Variants in DLGAP2 observed in about 807,000 individuals in gnomAD.
DLGAP2 encodes disks large-associated protein 2.
In DLGAP2, 26 loss-of-function variants were observed where a neutral mutation model predicts 100.3. That is an observed-to-expected ratio of 0.26 (90% CI 0.19 to 0.36). The LOEUF is 0.36. Among genes scored for constraint, DLGAP2 ranks in the 10% least tolerant of loss-of-function variants. The probability of loss-of-function intolerance (pLI) is 1.00; values close to 1 mark genes in which losing one functional copy is unlikely to be tolerated. For synonymous variants in DLGAP2, 886 were observed against 630.1 expected (o/e 1.41, Z -6.08); for missense variants, 1,858 against 1,453.2 (o/e 1.28, Z -4.53).
chr8:1,531,500 T>G (rs1338835127), intron 4 of DLGAP2, among the ~76,000 whole-genome samples: 1 of 152,186 alleles, frequency 6.6e-6, no homozygotes, highest in Non-Finnish European at 1.5e-5. Context: ...ATGAAATTAT[T>G]TCATACTGAT....
At chr8:904,821 A>C (rs949104884) in intron 1 of DLGAP2, among the ~76,000 whole-genome samples, 6 of 152,214 alleles carry the variant, frequency 3.9e-5, no homozygotes, top group Non-Finnish European at 7.3e-5. Flanking sequence ...TAGAACAGGC[A>C]GGTTGTGTGG....
intron 12 of DLGAP2, among the ~76,000 whole-genome samples, chr8:1,688,814 G>A (rs956629974): frequency 2.6e-5 from 4 of 152,320 alleles, no homozygotes; most frequent in African/African-American, 4.8e-5. Context: ...GGGAGGCACC[G>A]CACACACTGC....
intron 4 of DLGAP2, among the ~76,000 whole-genome samples, chr8:1,517,107 T>A (rs1800419094): frequency 6.6e-6 from 1 of 151,978 alleles, no homozygotes; most frequent in Non-Finnish European, 1.5e-5. Flanking sequence ...GTCCAAGTCT[T>A]CATTCCCCAG....
At chr8:1,509,127 T>G (rs1002288722) in intron 4 of DLGAP2, among the ~76,000 whole-genome samples, 1 of 151,636 alleles carries the variant, frequency 6.6e-6, no homozygotes, top group East Asian at 1.9e-4. Flanking sequence ...GGTCAGGAGA[T>G]CGAGACCATC....
chr8:1,438,633 G>A (rs1220884476), intron 3 of DLGAP2, among the ~76,000 whole-genome samples: 1 of 152,148 alleles, frequency 6.6e-6, no homozygotes, highest in Non-Finnish European at 1.5e-5. Context: ...TATACATGGA[G>A]AAAAAGCCGG....
rs549908362 is a variant in DLGAP2 at position 1,701,421 on chromosome 8, G to A, written c.*15G>A. On this transcript the variant is annotated 3_prime_UTR_variant, in exon 15 of 15. Coordinates refer to ENST00000637795, the MANE Select transcript of DLGAP2 (RefSeq NM_001346810.2). ...CCCGGCTCTGAGGGCGGAGGCCGGCGCCTTCCCCTCGTCGCTTCCGCTTTC... is the reference window on the plus strand; with the variant it reads ...CCCGGCTCTGAGGGCGGAGGCCGGCACCTTCCCCTCGTCGCTTCCGCTTTC... 17 of 1,568,844 alleles carry A rather than the reference G, an allele frequency of 1.1e-5. No homozygotes were observed. The highest frequency in any genetic ancestry group is 1.0e-4 in the South Asian group (9 of 85,772).
intron 2 of DLGAP2, among the ~76,000 whole-genome samples, chr8:944,235 G>C (rs1003407356): frequency 6.6e-6 from 1 of 152,308 alleles, no homozygotes; most frequent in East Asian, 1.9e-4. Flanking sequence ...CCCTGTGGGT[G>C]ATCCAGTGGG....
At chr8:1,416,443 G>C (rs1228148958) in intron 3 of DLGAP2, among the ~76,000 whole-genome samples, 1 of 152,188 alleles carries the variant, frequency 6.6e-6, no homozygotes, top group African/African-American at 2.4e-5. Context: ...AAATGTGTCT[G>C]ATCCTCAGAA....
In DLGAP2 at chr8:847,687, A is replaced by G. The variant is rs548487607; in HGVS notation, c.19-60225A>G. On this transcript the variant is annotated intron_variant, in intron 1 of 14. Transcript: ENST00000637795. The stretch of plus-strand genomic sequence containing the variant: ...ACACCTGGCTAATTTTTGTAATTTT[A>G]GTAGAGACAGGGTTTCACCATGTTG... 4.6e-5 allele frequency among the ~76,000 whole-genome samples: 7 copies of G among 152,158 alleles called. No homozygotes were observed. The South Asian group carries it at 1.2e-3, about 27-fold the overall frequency.
intron 2 of DLGAP2, among the ~76,000 whole-genome samples, chr8:965,639 A>G (rs903943616): frequency 2.3e-5 from 3 of 130,918 alleles, no homozygotes; most frequent in African/African-American, 6.3e-5. Context: ...GGCACTGTTC[A>G]CCACACAGGG....
chr8:1,224,906 T>C (rs1427307538), intron 2 of DLGAP2, among the ~76,000 whole-genome samples: 1 of 152,226 alleles, frequency 6.6e-6, no homozygotes, highest in African/African-American at 2.4e-5. Flanking sequence ...TCTGCTAGGA[T>C]GGCTGTTGGT....
intron 3 of DLGAP2, among the ~76,000 whole-genome samples, chr8:1,304,262 C>A (rs1264509038): frequency 1.3e-5 from 2 of 152,156 alleles, no homozygotes; most frequent in Non-Finnish European, 2.9e-5. Context: ...TATGGAGACA[C>A]AGGACACCGG....
At chr8:1,391,620 C>G (rs997166809) in intron 3 of DLGAP2, among the ~76,000 whole-genome samples, 1 of 152,164 alleles carries the variant, frequency 6.6e-6, no homozygotes, top group Non-Finnish European at 1.5e-5. Context: ...CAGGAAGGGG[C>G]TGGGCAGGGG....
rs543933809 is a variant in DLGAP2, at chr8:1,221,660, A to G, written c.74-37191A>G. Among the ~76,000 whole-genome samples the G allele has an allele frequency of 9.8e-5, 15 of 152,302 alleles. No individual in the cohort carries two copies. The East Asian group carries it at 1.5e-3, about 16-fold the overall frequency. On this transcript the variant is annotated intron_variant, in intron 2 of 14. Coordinates refer to ENST00000637795, the MANE Select transcript of DLGAP2 (RefSeq NM_001346810.2). ...TCAACCTCTCTGGCAATGTTGAGGA[A>G]ATTTTCATGGACAGCATTCTCAAAT... is the stretch of plus-strand genomic sequence containing the variant.
At position 1,549,182 on chromosome 8, in the gene DLGAP2, G is replaced by A. The variant is rs781216951; in HGVS notation, c.729G>A (p.Ser243=). ...VHSVQKLFTK[S]HSLEGSSKSN... ...CCGTGCAGAAGCTCTTCACCAAGTC[G>A]CACTCGCTGGAGGGCTCCTCCAAAA... The change falls in exon 5 of 15, where the codon TCG becomes TCA. Residue 243 remains serine, a synonymous_variant. Transcript: ENST00000637795. The A allele has an allele frequency of 1.3e-5, 20 of 1,598,344 alleles. No homozygotes were observed. Among genetic ancestry groups the A allele is most frequent in the South Asian group, 3.4e-5 (3 of 89,300 alleles).
chr8:769,440 A>C (rs1379471921), intron 1 of DLGAP2, among the ~76,000 whole-genome samples: 2 of 152,146 alleles, frequency 1.3e-5, no homozygotes, highest in East Asian at 3.9e-4. Context: ...CCCCGAATAC[A>C]GGAAAAAGGG....
intron 3 of DLGAP2, among the ~76,000 whole-genome samples, chr8:1,322,956 T>G (rs1402847224): frequency 6.6e-6 from 1 of 152,232 alleles, no homozygotes; most frequent in Non-Finnish European, 1.5e-5. Flanking sequence ...GTTGTCTTAT[T>G]TTTAAAATTC....
At chr8:1,242,228 G>A (rs1322963576) in intron 2 of DLGAP2, among the ~76,000 whole-genome samples, 1 of 152,204 alleles carries the variant, frequency 6.6e-6, no homozygotes, top group Non-Finnish European at 1.5e-5. Flanking sequence ...GCCTGAGAGA[G>A]GCCTGATGTG....
chr8:1,261,483 A>G (rs1799348574), intron 3 of DLGAP2, among the ~76,000 whole-genome samples: 3 of 144,792 alleles, frequency 2.1e-5, no homozygotes, highest in African/African-American at 7.6e-5. Flanking sequence ...GACAGACTGT[A>G]CTCCAAATAA....
Sources: allele counts gnomAD v4.1 joint callset (sites outside exome capture counted in the v4.1 genomes callset), GRCh38; gene constraint gnomAD v4.1.1; transcripts MANE v1.5; gene names NCBI Gene and HGNC (gene_info 2026-07-23, HGNC 2026-07-21).